The following PDE7A variants were observed in gnomAD, a reference collection of about 807,000 sequenced individuals.
PDE7A encodes the protein phosphodiesterase 7A.
Under a neutral mutation model 64.3 loss-of-function variants are expected in PDE7A, and 39 were observed. That is an observed-to-expected ratio of 0.61 (90% confidence interval 0.47 to 0.79). PDE7A has a LOEUF of 0.79. Ranked by LOEUF, PDE7A falls within the 30% of genes least tolerant of loss-of-function variation. PDE7A has a pLI of 0.00. For synonymous variants in PDE7A, 203 were observed against 206.8 expected (o/e 0.98, Z 0.16); for missense variants, 470 against 582.8 (o/e 0.81, Z 1.99).
chr8:65,781,820 T>C (rs1809426605), intron 2 of PDE7A, among the ~76,000 whole-genome samples: 1 of 152,152 alleles, frequency 6.6e-6, no homozygotes, highest in Admixed American at 6.6e-5. Context: ...AAGCTCTGTC[T>C]TAAGGACAGC....
At chr8:65,828,137 T>C (rs749941843) in intron 1 of PDE7A, among the ~76,000 whole-genome samples, 2 of 151,714 alleles carry the variant, frequency 1.3e-5, no homozygotes, top group Non-Finnish European at 3.0e-5. Context: ...GAAATAGATA[T>C]ATTTTCATTG....
intron 3 of PDE7A, among the ~76,000 whole-genome samples, chr8:65,775,966 T>C (rs1337644990): frequency 6.6e-6 from 1 of 152,164 alleles, no homozygotes; most frequent in Non-Finnish European, 1.5e-5. Flanking sequence ...CTAAAAGAGT[T>C]GTTTATACTT....
rs114673606 is a variant in PDE7A, at chr8:65,737,679, C to T, written c.595+1823G>A. Among the ~76,000 whole-genome samples the T allele has an allele frequency of 5.1e-3, 777 of 152,068 alleles. 6 individuals carry two copies. The highest frequency in any genetic ancestry group is 0.017 in the African/African-American group (720 of 41,450). On this transcript the variant is annotated intron_variant, in intron 6 of 12. Transcript: ENST00000401827. Reference sequence around the variant, plus strand: ...GATTACAGGCACATGCCTCCACACCCGACTAATTTTTGTATTTTTAGTAGA... The same window carrying T: ...GATTACAGGCACATGCCTCCACACCTGACTAATTTTTGTATTTTTAGTAGA...
intron 7 of PDE7A, among the ~76,000 whole-genome samples, chr8:65,729,169 A>G (rs1407005407): frequency 6.6e-6 from 1 of 152,150 alleles, no homozygotes; most frequent in Non-Finnish European, 1.5e-5. Context: ...GAAACTACAG[A>G]TTATTTAACA....
rs138331638 is a variant in PDE7A, at chr8:65,723,648, A to G, written c.1163-27T>C. The G allele has an allele frequency of 6.0e-5, 86 of 1,422,832 alleles. 1 individual carries two copies. The East Asian group carries it at 1.7e-3, about 28-fold the overall frequency. 88.1% of individuals were successfully genotyped at this position (1,422,832 alleles called of 1,614,324 possible). The stretch of plus-strand genomic sequence containing the variant: ...TATAAATTAAAAAAAGAGAAGTATT[A>G]ATATGAAGAATATCTATTGGTTAAA... On this transcript the variant is annotated intron_variant, in intron 11 of 12. Transcript: ENST00000401827.
intron 6 of PDE7A, among the ~76,000 whole-genome samples, 187 bp downstream of exon 6, chr8:65,739,315 C>A (rs910416516): frequency 6.6e-6 from 1 of 152,140 alleles, no homozygotes; most frequent in Non-Finnish European, 1.5e-5. Context: ...CTCACCCAGA[C>A]CAGACCAAAA....
At chr8:65,830,593 G>C (rs1810793680) in intron 1 of PDE7A, among the ~76,000 whole-genome samples, 1 of 151,900 alleles carries the variant, frequency 6.6e-6, no homozygotes, top group Admixed American at 6.6e-5. Flanking sequence ...CACTGAAAAC[G>C]CATTTCTGAC....
At chr8:65,785,449 T>A (rs1261719403) in intron 1 of PDE7A, among the ~76,000 whole-genome samples, 1 of 152,144 alleles carries the variant, frequency 6.6e-6, no homozygotes, top group African/African-American at 2.4e-5. Flanking sequence ...GCTTAAAGTG[T>A]CTTCCACTAA....
chr8:65,733,183 G>A (rs1374992169), intron 7 of PDE7A, among the ~76,000 whole-genome samples: 1 of 152,168 alleles, frequency 6.6e-6, no homozygotes, highest in African/African-American at 2.4e-5. Context: ...GGCAAAAAGT[G>A]TTCAAAATCA....
intron 7 of PDE7A, chr8:65,728,511 A>C (rs1806700224): frequency 6.6e-6 from 1 of 152,182 alleles, no homozygotes; most frequent in Non-Finnish European, 1.5e-5. Flanking sequence ...TAATTAGTAC[A>C]CGGAGAAGGT....
At chr8:65,755,944 T>A (rs1808220799) in intron 3 of PDE7A, among the ~76,000 whole-genome samples, 1 of 152,202 alleles carries the variant, frequency 6.6e-6, no homozygotes, top group African/African-American at 2.4e-5. Context: ...GTAGGACAGG[T>A]CTACTGGTAA....
intron 7 of PDE7A, among the ~76,000 whole-genome samples, chr8:65,730,168 C>CT (rs1563473710): frequency 9.5e-5 from 3 of 31,676 alleles, no homozygotes; most frequent in African/African-American, 7.3e-4. Flanking sequence ...AGGTTGCGCA[C>CT]TTCTTTTTTT....
intron 7 of PDE7A, among the ~76,000 whole-genome samples, chr8:65,731,788 G>A (rs968664235): frequency 2.0e-5 from 3 of 151,800 alleles, no homozygotes; most frequent in African/African-American, 7.3e-5. Context: ...TAAATTATAA[G>A]GTATAAAAAC....
At chr8:65,743,286 G>A (rs1807522407) in intron 5 of PDE7A, among the ~76,000 whole-genome samples, 1 of 152,114 alleles carries the variant, frequency 6.6e-6, no homozygotes. Context: ...TTCACTACCT[G>A]TATTTTCAAA....
chr8:65,833,417 T>C (rs962828394), intron 1 of PDE7A, among the ~76,000 whole-genome samples: 3 of 152,162 alleles, frequency 2.0e-5, no homozygotes, highest in African/African-American at 7.2e-5. Context: ...AAATAATCAG[T>C]CAAATGTGTT....
chr8:65,729,839 A>T (rs1315561743), intron 7 of PDE7A, among the ~76,000 whole-genome samples: 1 of 151,684 alleles, frequency 6.6e-6, no homozygotes, highest in Non-Finnish European at 1.5e-5. Flanking sequence ...AAAGTGCTGG[A>T]ATCACAGGCA....
intron 1 of PDE7A, among the ~76,000 whole-genome samples, chr8:65,814,442 CG>C (rs1478975116): frequency 8.2e-6 from 1 of 122,156 alleles, no homozygotes; most frequent in Non-Finnish European, 1.6e-5. Flanking sequence ...ACCCGGGAGG[CG>C]GAGCTTGCAG....
chr8:65,733,803 A>G (rs1026029027), intron 7 of PDE7A, among the ~76,000 whole-genome samples: 1 of 152,220 alleles, frequency 6.6e-6, no homozygotes, highest in South Asian at 2.1e-4. Context: ...AATAATCAGA[A>G]GACTAGCTGT....
rs1041694634 is a variant in PDE7A at position 65,782,674 on chromosome 8, C to T, written c.199+109G>A. On this transcript the variant is annotated intron_variant, in intron 2 of 12. Coordinates refer to ENST00000401827, the MANE Select transcript of PDE7A (RefSeq NM_001242318.3). ...TCTAAACTCCATGAATAGGTTATTTCTACTACAAACAGTGATGAAAAGCTA... is the reference window on the plus strand; with the variant it reads ...TCTAAACTCCATGAATAGGTTATTTTTACTACAAACAGTGATGAAAAGCTA... The T allele has an allele frequency of 6.3e-6, 4 of 637,408 alleles. No homozygotes were observed. The African/African-American group carries it at 7.5e-5, about 12-fold the overall frequency. The allele number at this position is 637,408 out of a possible 1,614,324, so 39.5% of individuals were successfully genotyped here.
Sources: allele counts gnomAD v4.1 joint callset (sites outside exome capture counted in the v4.1 genomes callset), GRCh38; gene constraint gnomAD v4.1.1; transcripts MANE v1.5; gene names NCBI Gene and HGNC (gene_info 2026-07-23, HGNC 2026-07-21).